EEIG2: variants seen among roughly 807,000 people sequenced by gnomAD.
The protein encoded by EEIG2 is EEIG family member 2.
the EEIG2 span, among the ~76,000 whole-genome samples, chr1:108,569,449 C>T: frequency 1.3e-5 from 2 of 152,160 alleles, no homozygotes; most frequent in African/African-American, 4.8e-5. Context: ...TCCTCAGCCT[C>T]CCAAGTAGCT....
chr1:108,604,610 G>A, the EEIG2 span, among the ~76,000 whole-genome samples: 1 of 152,114 alleles, frequency 6.6e-6, no homozygotes, highest in Non-Finnish European at 1.5e-5. Context: ...GAAGTTTAGC[G>A]AAGAAAATGA....
chr1:108,563,844 A>G, the EEIG2 span, among the ~76,000 whole-genome samples: 2 of 152,214 alleles, frequency 1.3e-5, no homozygotes, highest in African/African-American at 4.8e-5. Context: ...TGCCCAATCA[A>G]TGGATCAGAC....
chr1:108,589,783 C>CTTTTTTTTTT, the EEIG2 span, among the ~76,000 whole-genome samples: 4 of 85,160 alleles, frequency 4.7e-5, no homozygotes, highest in East Asian at 3.6e-4. Flanking sequence ...GTCTTTTGTC[C>CTTTTTTTTTT]TTTTTTTTTT....
chr1:108,587,595 C>G, the EEIG2 span, among the ~76,000 whole-genome samples: 1 of 152,156 alleles, frequency 6.6e-6, no homozygotes, highest in South Asian at 2.1e-4. Flanking sequence ...CAACCCCTGG[C>G]AATCACTGAT....
At chr1:108,589,570 G>A in the EEIG2 span, among the ~76,000 whole-genome samples, 1 of 151,786 alleles carries the variant, frequency 6.6e-6, no homozygotes, top group Admixed American at 6.6e-5. Flanking sequence ...TTTTCCCCTT[G>A]GCTTTGGTGA....
chr1:108,626,258 G>A, the EEIG2 span: 4 of 152,096 alleles, frequency 2.6e-5, no homozygotes, highest in African/African-American at 9.7e-5. Context: ...CAAATGCTTT[G>A]GGGAAAGGTC....
chr1:108,629,274 G>T, the EEIG2 span, among the ~76,000 whole-genome samples: 1 of 152,148 alleles, frequency 6.6e-6, no homozygotes, highest in African/African-American at 2.4e-5. Context: ...TGAATAGAAA[G>T]CACTTAACAG....
At chr1:108,615,603 C>T in the EEIG2 span, among the ~76,000 whole-genome samples, 1 of 150,800 alleles carries the variant, frequency 6.6e-6, no homozygotes, top group African/African-American at 2.5e-5. Flanking sequence ...AGCAAGACCT[C>T]ATTTCTGCAA....
At chr1:108,596,372 T>A in the EEIG2 span, among the ~76,000 whole-genome samples, 2 of 152,166 alleles carry the variant, frequency 1.3e-5, no homozygotes, top group African/African-American at 4.8e-5. Flanking sequence ...CCGACCTGTT[T>A]CTCACATGGC....
At chr1:108,580,520 G>C in the EEIG2 span, among the ~76,000 whole-genome samples, 2 of 152,164 alleles carry the variant, frequency 1.3e-5, no homozygotes, top group South Asian at 2.1e-4. Context: ...TGAACATTTA[G>C]CCAAACTCTG....
chr1:108,568,651 A>G, the EEIG2 span, among the ~76,000 whole-genome samples: 1 of 152,236 alleles, frequency 6.6e-6, no homozygotes, highest in African/African-American at 2.4e-5. Context: ...CCAAGATAGA[A>G]GTTTACTTCT....
the EEIG2 span, chr1:108,636,948 TTATTGGTGCTGTGCAAATGA>T: frequency 6.6e-6 from 1 of 152,196 alleles, no homozygotes; most frequent in African/African-American, 2.4e-5. Flanking sequence ...GGCTATATTT[TTATTGGTGCTGTGCAAATGA>T]TTTTGCAGTT....
the EEIG2 span, chr1:108,626,009 G>GTTCTGGTCTTATCTGATGGCCAGTT: frequency 6.6e-5 from 10 of 152,288 alleles, no homozygotes; most frequent in East Asian, 1.2e-3. Context: ...GTGGACATTT[G>GTTCTGGTCTTATCTGATGGCCAGTT]TTCTGGTCTT....
At chr1:108,579,772 T>TGTGAGAGAGAGA in the EEIG2 span, among the ~76,000 whole-genome samples, 1,030 of 58,898 alleles carry the variant, frequency 0.017, 34 homozygotes, top group Middle Eastern at 0.02. Context: ...TGTGTGTGTG[T>TGTGAGAGAGAGA]GAGAGAGAGA....
chr1:108,591,777 G>A, the EEIG2 span, among the ~76,000 whole-genome samples: 1 of 152,166 alleles, frequency 6.6e-6, no homozygotes, highest in Non-Finnish European at 1.5e-5. Flanking sequence ...TCTAGAGGAG[G>A]TAATGACAAA....
the EEIG2 span, chr1:108,600,477 C>T: frequency 7.0e-7 from 1 of 1,424,154 alleles, no homozygotes; most frequent in Admixed American, 1.9e-5. Flanking sequence ...ATTACTTTTG[C>T]ATGTTAGACT....
the EEIG2 span, chr1:108,637,123 C>A: frequency 6.6e-6 from 1 of 152,056 alleles, no homozygotes; most frequent in African/African-American, 2.4e-5. Flanking sequence ...GACTGGTTCT[C>A]AGTATTTTAA....
At chr1:108,572,613 T>G in the EEIG2 span, among the ~76,000 whole-genome samples, 1 of 151,900 alleles carries the variant, frequency 6.6e-6, no homozygotes, top group Non-Finnish European at 1.5e-5. Flanking sequence ...ATTTGATTTA[T>G]TTTATTTTAT....
the EEIG2 span, among the ~76,000 whole-genome samples, chr1:108,599,392 G>A: frequency 1.2e-4 from 19 of 152,164 alleles, no homozygotes; most frequent in African/African-American, 3.9e-4. Context: ...CTCTCTTGCC[G>A]TTCTCTTTTG....
Sources: gnomAD v4.1 joint callset for allele counts (sites outside exome capture counted in the v4.1 genomes callset) on GRCh38, gnomAD v4.1.1 for gene constraint, MANE v1.5 for transcripts, NCBI Gene and HGNC (gene_info 2026-07-23, HGNC 2026-07-21) for gene names.